KHDC1: variants seen among roughly 807,000 people sequenced by gnomAD.
The protein encoded by KHDC1 is KH homology domain-containing protein 1.
In KHDC1, 21 loss-of-function variants were observed where a neutral mutation model predicts 24.7. The observed-to-expected ratio is 0.85, with a 90% CI of 0.60 to 1.23. The LOEUF is 1.23. Among genes scored for constraint, KHDC1 ranks in the 50% most tolerant of loss-of-function variants. The probability of loss-of-function intolerance (pLI) is 0.00; values close to 1 mark genes in which losing one functional copy is unlikely to be tolerated. For missense variants in KHDC1, 274 were observed against 298.5 expected, an observed-to-expected ratio of 0.92 and a Z score of 0.61; for synonymous variants, 98 against 111.7, an observed-to-expected ratio of 0.88 and a Z score of 0.77.
chr6:73,243,410 G>T (rs951140676), intron 2 of KHDC1, among the ~76,000 whole-genome samples: 4 of 103,982 alleles, frequency 3.8e-5, no homozygotes, highest in African/African-American at 1.5e-4. Flanking sequence ...TTCATCTGTG[G>T]GGTTCAGATC....
chr6:73,286,869 TGA>T (rs1414183520), intron 2 of KHDC1, among the ~76,000 whole-genome samples: 1 of 120,608 alleles, frequency 8.3e-6, no homozygotes, highest in African/African-American at 3.1e-5. Flanking sequence ...GGCAACAGAG[TGA>T]GACTCTGTCT....
exon 4 of KHDC1, chr6:73,242,223 A>G (rs761438108): frequency 2.5e-6 from 4 of 1,613,276 alleles, no homozygotes; most frequent in Non-Finnish European, 3.4e-6. Context: ...CAGCGAAGGT[A>G]TGTGTCACCA....
At chr6:73,262,869 C>T (rs972470752) in intron 2 of KHDC1, 4 of 985,992 alleles carry the variant, frequency 4.1e-6, no homozygotes, top group South Asian at 4.7e-5. Context: ...GGGCAGAATT[C>T]AGGACTGAGC....
intron 1 of KHDC1, among the ~76,000 whole-genome samples, chr6:73,306,333 C>A (rs944881174): frequency 6.6e-6 from 1 of 152,108 alleles, no homozygotes; most frequent in Non-Finnish European, 1.5e-5. Context: ...ACCCGACACC[C>A]CGAGTAATTA....
intron 1 of KHDC1, among the ~76,000 whole-genome samples, chr6:73,296,894 G>T (rs549062750): frequency 6.4e-4 from 98 of 152,078 alleles, no homozygotes; most frequent in African/African-American, 2.0e-3. Context: ...AAAGACATAT[G>T]TACTATATGT....
intron 2 of KHDC1, among the ~76,000 whole-genome samples, chr6:73,254,604 G>T (rs1766846898): frequency 6.6e-6 from 1 of 151,962 alleles, no homozygotes; most frequent in Non-Finnish European, 1.5e-5. Flanking sequence ...AAATGGCAAG[G>T]TGCTAAAGAG....
intron 2 of KHDC1, among the ~76,000 whole-genome samples, chr6:73,277,791 T>A (rs1429385754): frequency 6.7e-6 from 1 of 150,360 alleles, no homozygotes; most frequent in Non-Finnish European, 1.5e-5. Context: ...CACTTGGGCC[T>A]GGATTCAGGC....
chr6:73,263,107 G>C (rs1027064061), intron 2 of KHDC1: 1 of 1,012,726 alleles, frequency 9.9e-7, no homozygotes, highest in Non-Finnish European at 1.2e-6. Context: ...CGATTGTGAG[G>C]AGACAGCGGT....
At chr6:73,248,009 A>G (rs1766699689) in intron 2 of KHDC1, among the ~76,000 whole-genome samples, 2 of 152,124 alleles carry the variant, frequency 1.3e-5, no homozygotes, top group African/African-American at 4.8e-5. Context: ...ACTAACACCC[A>G]CTCACACCTT....
chr6:73,263,966 A>G (rs562857530), intron 2 of KHDC1, among the ~76,000 whole-genome samples: 108 of 152,210 alleles, frequency 7.1e-4, no homozygotes, highest in Non-Finnish European at 8.8e-4. Flanking sequence ...TGGGAGGCCA[A>G]AGAGCAAGGA....
chr6:73,253,561 A>T (rs963043159), intron 2 of KHDC1, among the ~76,000 whole-genome samples: 3 of 151,806 alleles, frequency 2.0e-5, no homozygotes, highest in African/African-American at 7.2e-5. Flanking sequence ...TCAAAAAAAA[A>T]AATAAATAAA....
chr6:73,244,876 T>G (rs763769730), intron 2 of KHDC1, among the ~76,000 whole-genome samples: 2 of 152,096 alleles, frequency 1.3e-5, no homozygotes, highest in African/African-American at 2.4e-5. Flanking sequence ...AAGCCTGCAG[T>G]GAGCTAGTAT....
intron 2 of KHDC1, among the ~76,000 whole-genome samples, chr6:73,280,249 C>G (rs34926279): frequency 0.069 from 10,542 of 152,186 alleles, 379 homozygotes; most frequent in East Asian, 0.13. Context: ...CTCTACCTAC[C>G]CATGCTCAGG....
At chr6:73,258,148 T>C (rs1036670211) in intron 2 of KHDC1, among the ~76,000 whole-genome samples, 1 of 152,018 alleles carries the variant, frequency 6.6e-6, no homozygotes, top group African/African-American at 2.4e-5. Flanking sequence ...CCAGCTACTC[T>C]GGAGGCTGAG....
intron 3 of KHDC1, 52 bp downstream of exon 2, chr6:73,242,354 G>A (rs1582547532): frequency 1.2e-6 from 2 of 1,612,814 alleles, no homozygotes; most frequent in African/African-American, 2.7e-5. Flanking sequence ...GAGGAAGAGT[G>A]AAAACTGAGA....
chr6:73,281,617 CA>C (rs58163019), intron 2 of KHDC1, among the ~76,000 whole-genome samples: 5,353 of 93,676 alleles, frequency 0.057, 197 homozygotes, highest in African/African-American at 0.14. Flanking sequence ...AACTTCGTCT[CA>C]AAAAAAAAAA....
At chr6:73,248,431 T>A (rs1021590809) in intron 2 of KHDC1, among the ~76,000 whole-genome samples, 6 of 152,008 alleles carry the variant, frequency 3.9e-5, no homozygotes, top group African/African-American at 1.4e-4. Context: ...TCTTCCCTTC[T>A]TCCCCCTCCT....
At chr6:73,287,208 C>G (rs1767538467) in intron 2 of KHDC1, among the ~76,000 whole-genome samples, 1 of 152,170 alleles carries the variant, frequency 6.6e-6, no homozygotes, top group Non-Finnish European at 1.5e-5. Flanking sequence ...TGGCTCTTCT[C>G]TGAGAGCCGG....
At chr6:73,242,018 C>G in intron 4 of KHDC1, 37 bp downstream of exon 3, 1 of 1,578,392 alleles carries the variant, frequency 6.3e-7, no homozygotes, top group Non-Finnish European at 8.6e-7. Context: ...AACTCCACCA[C>G]CAAGTCTAAA....
Sources: allele counts gnomAD v4.1 joint callset (sites outside exome capture counted in the v4.1 genomes callset), GRCh38; gene constraint gnomAD v4.1.1; transcripts MANE v1.5; gene names NCBI Gene and HGNC (gene_info 2026-07-23, HGNC 2026-07-21).